JAML: variants seen among roughly 807,000 people sequenced by gnomAD.
JAML encodes the protein junctional adhesion molecule-like.
Under a neutral mutation model 39.3 loss-of-function variants are expected in JAML, and 25 were observed. The ratio of observed to expected loss-of-function variants is 0.64; its 90% CI spans 0.46 to 0.89. The LOEUF (loss-of-function observed/expected upper bound fraction) is 0.89, where lower values mean the gene tolerates loss of function less well. Ranked by LOEUF, JAML falls within the 40% of genes least tolerant of loss-of-function variation. JAML has a pLI of 0.00. For missense variants in JAML, 440 were observed against 486.9 expected (o/e 0.90, Z 0.91); for synonymous variants, 162 against 179.2 (o/e 0.90, Z 0.77).
At chr11:118,203,387 C>A in intron 6 of JAML, 41 bp downstream of exon 6, 1 of 1,570,950 alleles carries the variant, frequency 6.4e-7, no homozygotes, top group Non-Finnish European at 8.8e-7. Flanking sequence ...CATGCACCAG[C>A]CAGGAGGTCC....
At chr11:118,215,777 T>C (rs1949132306) in intron 1 of JAML, among the ~76,000 whole-genome samples, 1 of 152,190 alleles carries the variant, frequency 6.6e-6, no homozygotes, top group South Asian at 2.1e-4. Flanking sequence ...GTAGTATTCA[T>C]TTCATTGCAT....
intron 5 of JAML, chr11:118,205,652 A>G (rs1389992043): frequency 1.9e-6 from 1 of 525,406 alleles, no homozygotes; most frequent in Admixed American, 3.3e-5. Context: ...TACATGTACA[A>G]TCTCATATCG....
chr11:118,195,631 A>C (rs1193663764), intron 9 of JAML, among the ~76,000 whole-genome samples: 1 of 152,208 alleles, frequency 6.6e-6, no homozygotes, highest in Non-Finnish European at 1.5e-5. Flanking sequence ...ATTAGGAATC[A>C]GACTCCAAAA....
chr11:118,214,566 C>T (rs960885278), intron 2 of JAML, among the ~76,000 whole-genome samples: 1 of 152,110 alleles, frequency 6.6e-6, no homozygotes, highest in Non-Finnish European at 1.5e-5. Context: ...CCCTTTGTCA[C>T]GTAAGAGGGT....
At chr11:118,223,872 A>G (rs1320891111) in intron 1 of JAML, 3 of 152,182 alleles carry the variant, frequency 2.0e-5, no homozygotes, top group Non-Finnish European at 2.9e-5. Flanking sequence ...AAGATGTGAA[A>G]GTTACCCCCC....
intron 2 of JAML, among the ~76,000 whole-genome samples, chr11:118,214,307 AC>A (rs907664235): frequency 3.3e-5 from 5 of 152,108 alleles, no homozygotes; most frequent in Non-Finnish European, 7.4e-5. Context: ...ATAAGGGGAA[AC>A]CTGAAGGGTA....
At chr11:118,220,387 G>C (rs764837297) in intron 1 of JAML, among the ~76,000 whole-genome samples, 1 of 152,214 alleles carries the variant, frequency 6.6e-6, no homozygotes, top group African/African-American at 2.4e-5. Context: ...AGAGAAAGCA[G>C]TTTGTGTCCC....
chr11:118,210,427 T>G (rs1186208035), intron 4 of JAML, 60 bp downstream of exon 4: 2 of 1,546,132 alleles, frequency 1.3e-6, no homozygotes, highest in Middle Eastern at 2.3e-4. Flanking sequence ...TCAGTTTCCT[T>G]GCCTCTTGCA....
At chr11:118,195,445 A>G (rs1192431168) in intron 9 of JAML, among the ~76,000 whole-genome samples, 1 of 151,992 alleles carries the variant, frequency 6.6e-6, no homozygotes, top group Non-Finnish European at 1.5e-5. Flanking sequence ...AGCCTTCCCA[A>G]ACCCACAGAA....
intron 9 of JAML, among the ~76,000 whole-genome samples, chr11:118,195,420 C>T (rs549942437): frequency 2.0e-5 from 3 of 152,132 alleles, no homozygotes; most frequent in Non-Finnish European, 4.4e-5. Context: ...CATCATTCCA[C>T]AAGCAGAGGA....
In JAML at chr11:118,210,537, T is replaced by A; in HGVS notation, c.374A>T (p.Gln125Leu). The A allele has an allele frequency of 6.2e-7, 1 of 1,614,208 alleles. No homozygotes were observed. The highest frequency in any genetic ancestry group is 8.5e-7 in the Non-Finnish European group (1 of 1,180,010). The part of the protein sequence containing the change: ...ICEIRLKGES[Q>L]VFKKAVVLHV... ...CAGTACCACCGCCTTCTTGAACACC[T>A]GGCTCTCCCCTTTGAGGCGGATTTC... The change falls in exon 4 of 10, where the codon CAG becomes CTG. Residue 125 changes from glutamine to leucine, a missense_variant. Physicochemically the swap from Gln to Leu is moderately radical, Grantham distance 113 (BLOSUM62 -2). Coordinates refer to ENST00000356289, the MANE Select transcript of JAML (RefSeq NM_001098526.2).
Position 118,214,883 on chromosome 11 carries a change from A to G in JAML, c.-17T>C, listed in dbSNP as rs192779309. The G allele has an allele frequency of 6.2e-7, 1 of 1,613,730 alleles. No homozygotes were observed. Among genetic ancestry groups the G allele is most frequent in the Admixed American group, 1.7e-5 (1 of 59,992 alleles). The stretch of plus-strand genomic sequence containing the variant: ...GCAAAACATGCTGCTCTCAACTTTC[A>G]AATCTTAAGATAAAAGAACAAAAAT... On this transcript the variant is annotated 5_prime_UTR_variant, in exon 2 of 10. Coordinates refer to ENST00000356289, the MANE Select transcript of JAML (RefSeq NM_001098526.2).
intron 2 of JAML, among the ~76,000 whole-genome samples, chr11:118,214,275 G>C (rs1367391515): frequency 6.6e-6 from 1 of 152,100 alleles, no homozygotes; most frequent in Non-Finnish European, 1.5e-5. Context: ...GCCAGGTCAG[G>C]CTCCTCAGAA....
chr11:118,213,951 C>T (rs763081720), intron 2 of JAML, among the ~76,000 whole-genome samples: 6 of 152,110 alleles, frequency 3.9e-5, no homozygotes, highest in Admixed American at 6.5e-5. Context: ...TTTTGGTGTG[C>T]GTGCCTGTGT....
intron 1 of JAML, 25 bp downstream of exon 1, chr11:118,224,916 T>G (rs1279911944): frequency 6.6e-6 from 1 of 152,060 alleles, no homozygotes; most frequent in Non-Finnish European, 1.5e-5. Flanking sequence ...AAAAATGGCT[T>G]AAGAAATTCA....
intron 5 of JAML, 169 bp downstream of exon 5, chr11:118,205,713 T>G (rs1948901651): frequency 3.3e-6 from 2 of 608,900 alleles, no homozygotes; most frequent in Non-Finnish European, 5.9e-6. Flanking sequence ...TGTTCTTCAT[T>G]GGAGTTATCT....
chr11:118,219,948 G>A (rs1458522885), intron 1 of JAML, among the ~76,000 whole-genome samples: 1 of 152,204 alleles, frequency 6.6e-6, no homozygotes. Flanking sequence ...TATCCCTCTG[G>A]TGACTTATGA....
chr11:118,213,216 GC>G lies in JAML; in HGVS notation c.44-656del. The G allele has an allele frequency of 3.9e-6, 5 of 1,298,474 alleles. No homozygotes were observed. The South Asian group carries it at 1.1e-4, about 28-fold the overall frequency. 80.4% of individuals were successfully genotyped at this position (1,298,474 alleles called of 1,614,324 possible). A position where few individuals can be genotyped will look rare whatever the true frequency, so the allele number is the denominator to read the frequency against. On this transcript the variant is annotated intron_variant, in intron 2 of 9. Coordinates refer to ENST00000356289, the MANE Select transcript of JAML (RefSeq NM_001098526.2). ...TGCCCATTATCTCTATGTTGCTCAA[GC>G]AATTTCGAGCGGTCACTACAAGAAA...
intron 5 of JAML, chr11:118,205,073 G>A (rs539168517): frequency 1.5e-4 from 23 of 152,222 alleles, no homozygotes; most frequent in African/African-American, 4.8e-4. Flanking sequence ...GTGAACCTGG[G>A]ACCAGATGTA....
Sources: gnomAD v4.1 joint callset for allele counts (sites outside exome capture counted in the v4.1 genomes callset) on GRCh38, gnomAD v4.1.1 for gene constraint, MANE v1.5 for transcripts, NCBI Gene and HGNC (gene_info 2026-07-23, HGNC 2026-07-21) for gene names.